PHC1: variants seen among roughly 807,000 people sequenced by gnomAD.
PHC1 encodes the protein polyhomeotic homolog 1.
Under a neutral mutation model 104.3 loss-of-function variants are expected in PHC1, and 12 were observed. The ratio of observed to expected loss-of-function variants is 0.12; its 90% CI spans 0.07 to 0.19. The LOEUF (loss-of-function observed/expected upper bound fraction) is 0.19. Ranked by LOEUF, PHC1 falls within the 10% of genes least tolerant of loss-of-function variation. PHC1 has a pLI of 1.00. For missense variants in PHC1, 671 were observed against 1,200.0 expected, an observed-to-expected ratio of 0.56 and a Z score of 6.51; for synonymous variants, 302 against 455.8, an observed-to-expected ratio of 0.66 and a Z score of 4.30.
At position 8,939,525 on chromosome 12, in the gene PHC1, C is replaced by A; in HGVS notation, c.*66C>A. 2.4e-6 allele frequency: 2 copies of A among 848,710 alleles called. No individual in the cohort carries two copies. The highest frequency in any genetic ancestry group is 2.7e-5 in the East Asian group (1 of 37,290). The allele number at this position is 848,710 out of a possible 1,614,324, so 52.6% of individuals were successfully genotyped here. ...CCACTGTCCAGGTTATAACCTGGTA[C>A]CAGCAGACTTTGCAGGGAAGAAAGA... On this transcript the variant is annotated 3_prime_UTR_variant, in exon 15 of 15. Coordinates refer to ENST00000544916, the MANE Select transcript of PHC1 (RefSeq NM_004426.3).
chr12:8,916,240 T>G (rs1206897760), intron 1 of PHC1, among the ~76,000 whole-genome samples: 1 of 152,210 alleles, frequency 6.6e-6, no homozygotes, highest in African/African-American at 2.4e-5. Flanking sequence ...ATAGTGTGAT[T>G]GGATGATACT....
chr12:8,918,389 A>C lies in PHC1; in HGVS notation c.114+598A>C, dbSNP rs898769261. ...TTCGTTGAAAATTTTACGTGAAGGAATCTTTAGAAGCCACTATTTATTTTT... is the reference window on the plus strand; with the variant it reads ...TTCGTTGAAAATTTTACGTGAAGGACTCTTTAGAAGCCACTATTTATTTTT... On this transcript the variant is annotated intron_variant, in intron 2 of 14. Transcript: ENST00000544916. Among the ~76,000 whole-genome samples, 17 of 152,364 alleles carry C rather than the reference A, an allele frequency of 1.1e-4. No individual in the cohort carries two copies. In the East Asian group the frequency reaches 3.3e-3, roughly 29 times the overall value.
At chr12:8,932,136 A>G (rs750601089) in intron 7 of PHC1, among the ~76,000 whole-genome samples, 1 of 152,378 alleles carries the variant, frequency 6.6e-6, no homozygotes, top group South Asian at 2.1e-4. Context: ...GTGCTTCTGC[A>G]GTGTCAGGCC....
intron 3 of PHC1, among the ~76,000 whole-genome samples, 181 bp from the exon 4 acceptor site, chr12:8,920,804 G>A (rs566190958): frequency 8.5e-5 from 13 of 152,330 alleles, no homozygotes; most frequent in African/African-American, 2.9e-4. Flanking sequence ...TAATTGGTTA[G>A]CATATGTGGT....
In PHC1 at chr12:8,938,021, A is replaced by T. The variant is rs756716301; in HGVS notation, c.2821A>T (p.Ser941Cys). 1.2e-6 allele frequency: 2 copies of T among 1,607,464 alleles called. No homozygotes were observed. Among genetic ancestry groups the T allele is most frequent in the South Asian group, 1.1e-5 (1 of 90,530 alleles). ...CCTGTCCAGTAATCCCAGCCGTTGG[A>T]GTGTAGAGGAGGTGTACGAGTTTAT... ...VFLSSNPSRW[S>C]VEEVYEFIAS... Residue 941 changes from serine to cysteine, a missense_variant, in exon 14 of 15, where the codon AGT becomes TGT. Physicochemically the swap from Ser to Cys is moderately radical, Grantham distance 112. Coordinates refer to ENST00000544916, the MANE Select transcript of PHC1 (RefSeq NM_004426.3).
intron 10 of PHC1, among the ~76,000 whole-genome samples, chr12:8,934,778 G>T (rs1190236371): frequency 2.6e-5 from 4 of 152,056 alleles, no homozygotes; most frequent in African/African-American, 9.7e-5. Flanking sequence ...AGCTTTCCTA[G>T]GGTTTGCAGA....
At chr12:8,931,961 T>C (rs997251369) in intron 7 of PHC1, among the ~76,000 whole-genome samples, 1 of 152,224 alleles carries the variant, frequency 6.6e-6, no homozygotes, top group African/African-American at 2.4e-5. Flanking sequence ...AGTTTGTCAC[T>C]CCCAGTTTAC....
intron 9 of PHC1, 100 bp from the exon 10 acceptor site, chr12:8,934,167 G>A (rs1469628301): frequency 7.7e-6 from 10 of 1,293,524 alleles, no homozygotes; most frequent in Non-Finnish European, 9.9e-6. Context: ...GAATTGTCAA[G>A]GGTGGACATA....
At position 8,939,744 on chromosome 12, in the gene PHC1, C is replaced by CTAG. The variant is rs1253002128; in HGVS notation, c.*286_*288dup. ...TTTATAAAAGAGGCAGTCTAGAGAA[C>CTAG]TAGGACTGCTCAGCCTTATCCTGGA... On this transcript the variant is annotated 3_prime_UTR_variant, in exon 15 of 15. Coordinates refer to ENST00000544916, the MANE Select transcript of PHC1 (RefSeq NM_004426.3). 2 of 497,510 alleles carry CTAG rather than the reference C, an allele frequency of 4.0e-6. No homozygotes were observed. The highest frequency in any genetic ancestry group is 3.8e-5 in the African/African-American group (2 of 52,414). The allele number at this position is 497,510 out of a possible 1,614,324, so 30.8% of individuals were successfully genotyped here. A position where few individuals can be genotyped will look rare whatever the true frequency, so the allele number is the denominator to read the frequency against.
intron 7 of PHC1, among the ~76,000 whole-genome samples, chr12:8,931,748 T>C (rs1346907841): frequency 6.6e-6 from 1 of 152,206 alleles, no homozygotes; most frequent in Non-Finnish European, 1.5e-5. Context: ...GATGTGTGTA[T>C]CTTATTTGGT....
At chr12:8,920,585 G>A (rs1945333796) in intron 3 of PHC1, among the ~76,000 whole-genome samples, 1 of 152,234 alleles carries the variant, frequency 6.6e-6, no homozygotes, top group Admixed American at 6.5e-5. Context: ...GTGTGCACCT[G>A]TGATCCTAGC....
At chr12:8,922,160 G>C (rs1008165187) in intron 5 of PHC1, among the ~76,000 whole-genome samples, 2 of 152,164 alleles carry the variant, frequency 1.3e-5, no homozygotes, top group Admixed American at 6.5e-5. Flanking sequence ...TTTGAGAGAA[G>C]CTGGGACCTA....
At chr12:8,915,539 C>A (rs766950716) in intron 1 of PHC1, among the ~76,000 whole-genome samples, 1 of 152,116 alleles carries the variant, frequency 6.6e-6, no homozygotes, top group Non-Finnish European at 1.5e-5. Flanking sequence ...TAGGTCTGTG[C>A]GCCTACCCAA....
intron 4 of PHC1, 117 bp downstream of exon 4, chr12:8,921,182 C>A: frequency 2.8e-6 from 2 of 709,786 alleles, no homozygotes; most frequent in Non-Finnish European, 2.3e-6. Context: ...ATAGTTACTG[C>A]TTTTAAGTAG....
intron 11 of PHC1, among the ~76,000 whole-genome samples, 191 bp from the exon 12 acceptor site, chr12:8,936,663 CAT>C (rs1224853786): frequency 1.3e-5 from 2 of 152,182 alleles, no homozygotes; most frequent in African/African-American, 4.8e-5. Context: ...AGGAAGACGT[CAT>C]AAAGTTCTCA....
chr12:8,921,836 C>A, intron 5 of PHC1, 86 bp downstream of exon 5: 1 of 1,292,562 alleles, frequency 7.7e-7, no homozygotes, highest in Non-Finnish European at 1.1e-6. Context: ...TTTTTTGAGA[C>A]AGAATCTCGC....
At chr12:8,916,794 A>G (rs1209639413) in intron 1 of PHC1, among the ~76,000 whole-genome samples, 2 of 152,118 alleles carry the variant, frequency 1.3e-5, no homozygotes, top group African/African-American at 4.8e-5. Flanking sequence ...CCTCCTTTGC[A>G]GTGAGGAAAC....
intron 3 of PHC1, among the ~76,000 whole-genome samples, chr12:8,920,580 C>G (rs939235769): frequency 6.6e-6 from 1 of 152,186 alleles, no homozygotes; most frequent in African/African-American, 2.4e-5. Context: ...TGGTGGTGTG[C>G]ACCTGTGATC....
At chr12:8,926,903 G>A (rs1354754447) in intron 6 of PHC1, among the ~76,000 whole-genome samples, 2 of 148,606 alleles carry the variant, frequency 1.3e-5, no homozygotes, top group Admixed American at 1.3e-4. Context: ...CAACGAGGGC[G>A]AAACTCCATC....
Sources: gnomAD v4.1 joint callset for allele counts (sites outside exome capture counted in the v4.1 genomes callset) on GRCh38, gnomAD v4.1.1 for gene constraint, MANE v1.5 for transcripts, NCBI Gene and HGNC (gene_info 2026-07-23, HGNC 2026-07-21) for gene names.